Variants in TENM3 observed in about 807,000 individuals in gnomAD.
TENM3 encodes teneurin transmembrane protein 3.
Under a neutral mutation model 255.1 loss-of-function variants are expected in TENM3, and 63 were observed. The observed-to-expected ratio is 0.25, with a 90% CI of 0.20 to 0.30. The LOEUF is 0.30. Among genes scored for constraint, TENM3 ranks in the 10% least tolerant of loss-of-function variants. The pLI, the probability that TENM3 is intolerant of heterozygous loss-of-function variation, is 1.00. For synonymous variants in TENM3, 1,306 were observed against 1,322.3 expected (o/e 0.99, Z 0.27); for missense variants, 2,929 against 3,461.1 (o/e 0.85, Z 3.86).
chr4:181,626,850 A>T, the TENM3 span, among the ~76,000 whole-genome samples: 11,574 of 152,302 alleles, frequency 0.076, 507 homozygotes, highest in East Asian at 0.15. Flanking sequence ...GCATTTAAAG[A>T]TCGCTCTAAG....
the TENM3 span, among the ~76,000 whole-genome samples, chr4:181,577,041 AT>A: frequency 1.6e-5 from 2 of 128,078 alleles, no homozygotes; most frequent in East Asian, 4.1e-4. Context: ...TATATATTTT[AT>A]TATATAATAA....
intron 2 of TENM3, among the ~76,000 whole-genome samples, chr4:182,325,339 A>T (rs1394408452): frequency 6.6e-6 from 1 of 152,236 alleles, no homozygotes; most frequent in East Asian, 1.9e-4. Context: ...GCAAAGAGCC[A>T]TTGTAACTAG....
At chr4:182,624,726 C>T (rs1037176971) in intron 4 of TENM3, among the ~76,000 whole-genome samples, 3 of 152,116 alleles carry the variant, frequency 2.0e-5, no homozygotes, top group Non-Finnish European at 4.4e-5. Flanking sequence ...CTATTTCTTC[C>T]TTCATCTTAT....
chr4:182,784,412 T>C (rs1165938962), intron 24 of TENM3, among the ~76,000 whole-genome samples: 29 of 151,476 alleles, frequency 1.9e-4, no homozygotes, highest in Admixed American at 2.6e-4. Flanking sequence ...TCTGCCAGTT[T>C]TCAGATCTCC....
intron 3 of TENM3, among the ~76,000 whole-genome samples, chr4:182,515,594 G>T (rs1737855931): frequency 1.3e-5 from 2 of 152,046 alleles, no homozygotes; most frequent in East Asian, 1.9e-4. Context: ...ATTAATTACT[G>T]TATATAATAT....
the TENM3 span, among the ~76,000 whole-genome samples, chr4:181,553,682 CTG>C: frequency 6.6e-5 from 10 of 152,086 alleles, no homozygotes; most frequent in African/African-American, 1.9e-4. Context: ...ACCTCGTGAT[CTG>C]CCCGCCTCGG....
chr4:181,966,410 C>A, the TENM3 span, among the ~76,000 whole-genome samples: 1 of 152,136 alleles, frequency 6.6e-6, no homozygotes, highest in Non-Finnish European at 1.5e-5. Context: ...AAGCTCTCTG[C>A]AGATTTTCTC....
rs77470633 is a variant in TENM3 at position 182,357,642 on chromosome 4, G to A, written c.511+10713G>A. ...GCCCTTTGTCAGATGAGTAGGTTGCGAAACTTTTCTCCCATTTTGTGGGTT... is the reference window on the plus strand; with the variant it reads ...GCCCTTTGTCAGATGAGTAGGTTGCAAAACTTTTCTCCCATTTTGTGGGTT... On this transcript the variant is annotated intron_variant, in intron 3 of 27. Coordinates refer to ENST00000511685, the MANE Select transcript of TENM3 (RefSeq NM_001080477.4). Among the ~76,000 whole-genome samples, 35 of 150,568 alleles carry A rather than the reference G, an allele frequency of 2.3e-4. No individual in the cohort carries two copies. In the South Asian group the frequency reaches 4.0e-3, roughly 17 times the overall value.
the TENM3 span, among the ~76,000 whole-genome samples, chr4:182,088,706 C>T: frequency 0.011 from 1,747 of 151,974 alleles, 20 homozygotes; most frequent in African/African-American, 0.039. Context: ...TGGTGGCAAG[C>T]GCCTGTAGTC....
the TENM3 span, among the ~76,000 whole-genome samples, chr4:181,553,158 C>T: frequency 6.6e-6 from 1 of 151,834 alleles, no homozygotes; most frequent in Admixed American, 6.6e-5. Flanking sequence ...GGCCTTGGGA[C>T]AATTAGGCTA....
the TENM3 span, among the ~76,000 whole-genome samples, chr4:181,700,878 T>A: frequency 6.6e-6 from 1 of 152,230 alleles, no homozygotes; most frequent in Non-Finnish European, 1.5e-5. Flanking sequence ...AATCATCTGC[T>A]GTGTTTGGAT....
At chr4:182,596,455 C>CAGAT (rs1747235536) in intron 3 of TENM3, among the ~76,000 whole-genome samples, 1 of 152,106 alleles carries the variant, frequency 6.6e-6, no homozygotes, top group Admixed American at 6.5e-5. Flanking sequence ...GAAAAAGGGA[C>CAGAT]AGATACAATA....
chr4:182,219,138 C>G (rs1755698897), intron 1 of TENM3, among the ~76,000 whole-genome samples: 1 of 152,172 alleles, frequency 6.6e-6, no homozygotes, highest in Non-Finnish European at 1.5e-5. Flanking sequence ...AGGTGAATCG[C>G]TTGAACCTGG....
chr4:181,513,169 G>T, the TENM3 span, among the ~76,000 whole-genome samples: 1 of 151,816 alleles, frequency 6.6e-6, no homozygotes, highest in Admixed American at 6.6e-5. Flanking sequence ...GAGTCATTTA[G>T]CCTATAGTTC....
chr4:182,351,389 C>T (rs769241073), intron 3 of TENM3, among the ~76,000 whole-genome samples: 1 of 152,214 alleles, frequency 6.6e-6, no homozygotes, highest in Non-Finnish European at 1.5e-5. Context: ...GCCGGTGCGA[C>T]GTTGTCACAG....
intron 3 of TENM3, among the ~76,000 whole-genome samples, chr4:182,539,202 T>C (rs1331167623): frequency 1.3e-5 from 2 of 150,994 alleles, no homozygotes; most frequent in African/African-American, 4.9e-5. Flanking sequence ...GAGGAAGTGC[T>C]GAGAGATGAA....
At chr4:181,643,247 G>T in the TENM3 span, among the ~76,000 whole-genome samples, 1 of 152,026 alleles carries the variant, frequency 6.6e-6, no homozygotes, top group Non-Finnish European at 1.5e-5. Flanking sequence ...AAGTTGTATT[G>T]CTAGGTATTT....
chr4:181,825,510 T>A, the TENM3 span, among the ~76,000 whole-genome samples: 3 of 151,698 alleles, frequency 2.0e-5, no homozygotes, highest in Non-Finnish European at 4.4e-5. Flanking sequence ...TTTATTGGTA[T>A]AGAAATAGAA....
At chr4:182,231,689 A>C (rs187401724) in intron 1 of TENM3, among the ~76,000 whole-genome samples, 2 of 152,290 alleles carry the variant, frequency 1.3e-5, no homozygotes, top group Admixed American at 1.3e-4. Flanking sequence ...AATAGCAGTA[A>C]CATGCAGCTG....
Sources: allele counts gnomAD v4.1 joint callset (sites outside exome capture counted in the v4.1 genomes callset), GRCh38; gene constraint gnomAD v4.1.1; transcripts MANE v1.5; gene names NCBI Gene and HGNC (gene_info 2026-07-23, HGNC 2026-07-21).